Variants in ATP9B observed in about 807,000 individuals in gnomAD.
ATP9B encodes probable phospholipid-transporting ATPase IIB.
In ATP9B, 110 loss-of-function variants were observed where a neutral mutation model predicts 146.1. The observed-to-expected ratio is 0.75, with a 90% CI of 0.65 to 0.88. The LOEUF (loss-of-function observed/expected upper bound fraction) is 0.88. Among genes scored for constraint, ATP9B ranks in the 40% least tolerant of loss-of-function variants. The pLI is 0.00. For synonymous variants in ATP9B, 604 were observed against 569.7 expected, an observed-to-expected ratio of 1.06 and a Z score of -0.86; for missense variants, 1,499 against 1,496.4, an observed-to-expected ratio of 1.00 and a Z score of -0.03.
At chr18:79,236,159 A>G (rs1325248883) in intron 11 of ATP9B, among the ~76,000 whole-genome samples, 1 of 152,194 alleles carries the variant, frequency 6.6e-6, no homozygotes, top group Non-Finnish European at 1.5e-5. Flanking sequence ...TGTAGTGTCT[A>G]TCTTACGTTA....
intron 12 of ATP9B, among the ~76,000 whole-genome samples, chr18:79,255,814 G>A (rs8087087): frequency 0.17 from 26,207 of 152,158 alleles, 2,459 homozygotes; most frequent in African/African-American, 0.23. Context: ...CAAGGGTGGT[G>A]TATTTTTCTC....
At chr18:79,148,802 A>G (rs982266490) in intron 6 of ATP9B, among the ~76,000 whole-genome samples, 8 of 152,230 alleles carry the variant, frequency 5.3e-5, no homozygotes, top group African/African-American at 1.7e-4. Context: ...ATAAATACAT[A>G]TACATATATG....
intron 2 of ATP9B, among the ~76,000 whole-genome samples, chr18:79,109,670 A>G (rs941848935): frequency 1.3e-5 from 2 of 150,628 alleles, no homozygotes; most frequent in African/African-American, 2.4e-5. Context: ...GGTTCAAGCT[A>G]TTCTCCTGCC....
chr18:79,138,190 A>G (rs538083166), intron 5 of ATP9B, among the ~76,000 whole-genome samples: 1 of 152,322 alleles, frequency 6.6e-6, no homozygotes, highest in South Asian at 2.1e-4. Flanking sequence ...TTTATTAGGT[A>G]AGAAATTTTA....
At chr18:79,312,978 C>CT (rs2096661021) in intron 15 of ATP9B, among the ~76,000 whole-genome samples, 1 of 152,172 alleles carries the variant, frequency 6.6e-6, no homozygotes, top group African/African-American at 2.4e-5. Flanking sequence ...AGTTTTTCAA[C>CT]TTTGAGGAAA....
At chr18:79,321,756 G>A (rs2096717551) in intron 15 of ATP9B, among the ~76,000 whole-genome samples, 1 of 152,260 alleles carries the variant, frequency 6.6e-6, no homozygotes, top group Non-Finnish European at 1.5e-5. Context: ...TTTGTTATAA[G>A]CTGCTCTTTG....
At chr18:79,157,749 A>G (rs1435262747) in intron 7 of ATP9B, among the ~76,000 whole-genome samples, 1 of 152,072 alleles carries the variant, frequency 6.6e-6, no homozygotes, top group Non-Finnish European at 1.5e-5. Context: ...CACTTTATCT[A>G]GGTTATCTAA....
Position 79,373,572 on chromosome 18 carries a change from C to T in ATP9B, c.3071-326C>T, listed in dbSNP as rs995298014. Among the ~76,000 whole-genome samples the T allele has an allele frequency of 2.8e-4, 42 of 151,200 alleles. 1 individual carries two copies. The highest frequency in any genetic ancestry group is 9.7e-4 in the African/African-American group (40 of 41,102). ...TGGTGTGGTCTCAGTTCACTGCAAC[C>T]TCCGTCTCCTGGGTTCAAATGATTC... On this transcript the variant is annotated intron_variant, in intron 27 of 29. Coordinates refer to ENST00000426216, the MANE Select transcript of ATP9B (RefSeq NM_198531.5).
intron 13 of ATP9B, among the ~76,000 whole-genome samples, chr18:79,295,272 A>C (rs2096539860): frequency 6.6e-6 from 1 of 152,208 alleles, no homozygotes; most frequent in Admixed American, 6.5e-5. Context: ...TGCCCTACTA[A>C]AGCATCAGAA....
chr18:79,343,927 C>T (rs2096872114), intron 20 of ATP9B: 1 of 365,488 alleles, frequency 2.7e-6, no homozygotes, highest in Admixed American at 4.5e-5. Flanking sequence ...AAGGCAATTA[C>T]CCTCCCAAAC....
intron 10 of ATP9B, among the ~76,000 whole-genome samples, chr18:79,210,457 G>A (rs1382720715): frequency 6.6e-6 from 1 of 152,170 alleles, no homozygotes; most frequent in Non-Finnish European, 1.5e-5. Context: ...CAGCCATGTG[G>A]ACTCTAGACC....
intron 17 of ATP9B, 63 bp from the exon 18 acceptor site, chr18:79,336,565 G>T: frequency 6.7e-7 from 1 of 1,492,422 alleles, no homozygotes; most frequent in Non-Finnish European, 9.3e-7. Flanking sequence ...CACTGCCCTG[G>T]CCCCACACAC....
intron 15 of ATP9B, among the ~76,000 whole-genome samples, chr18:79,320,003 C>T (rs1217544343): frequency 6.6e-6 from 1 of 152,258 alleles, no homozygotes; most frequent in Non-Finnish European, 1.5e-5. Context: ...GATTGCTCTG[C>T]AGCAGCCCTG....
chr18:79,286,003 C>T (rs2096436141), intron 13 of ATP9B, among the ~76,000 whole-genome samples: 1 of 151,150 alleles, frequency 6.6e-6, no homozygotes, highest in Non-Finnish European at 1.5e-5. Flanking sequence ...CAGTACCATG[C>T]TGTTTTGGTT....
At chr18:79,209,323 T>A (rs903649456) in intron 10 of ATP9B, among the ~76,000 whole-genome samples, 3 of 152,266 alleles carry the variant, frequency 2.0e-5, no homozygotes, top group African/African-American at 7.2e-5. Context: ...TCACTGATAT[T>A]TGTTAATTAA....
chr18:79,272,286 C>A (rs1056544508), intron 12 of ATP9B, among the ~76,000 whole-genome samples: 2 of 152,184 alleles, frequency 1.3e-5, no homozygotes, highest in African/African-American at 4.8e-5. Context: ...AGCATGCTTC[C>A]ATGTTTAGGG....
chr18:79,113,701 G>A (rs984904946), intron 4 of ATP9B, among the ~76,000 whole-genome samples: 4 of 152,178 alleles, frequency 2.6e-5, no homozygotes, highest in African/African-American at 9.6e-5. Flanking sequence ...CTGTGGGTCT[G>A]TTCTGTTACT....
intron 1 of ATP9B, among the ~76,000 whole-genome samples, chr18:79,089,152 G>C (rs1290974168): frequency 6.6e-6 from 1 of 152,024 alleles, no homozygotes; most frequent in East Asian, 1.9e-4. Flanking sequence ...TACAAATTGG[G>C]TTCATTGTAT....
chr18:79,339,230 T>G (rs2096843462), intron 19 of ATP9B, among the ~76,000 whole-genome samples: 1 of 151,890 alleles, frequency 6.6e-6, no homozygotes, highest in African/African-American at 2.4e-5. Flanking sequence ...CAGTAGGAAG[T>G]GTGTCATGAT....
Sources: gnomAD v4.1 joint callset for allele counts (sites outside exome capture counted in the v4.1 genomes callset) on GRCh38, gnomAD v4.1.1 for gene constraint, MANE v1.5 for transcripts, NCBI Gene and HGNC (gene_info 2026-07-23, HGNC 2026-07-21) for gene names.